Variants in FBXL17 observed in about 807,000 individuals in gnomAD.
FBXL17 encodes the protein F-box/LRR-repeat protein 17.
A neutral mutation model predicts 66.2 loss-of-function variants in FBXL17; 22 were observed. That is an observed-to-expected ratio of 0.33 (90% CI 0.24 to 0.47). FBXL17 has a LOEUF of 0.47. Ranked by LOEUF, FBXL17 falls within the 20% of genes least tolerant of loss-of-function variation. The probability of loss-of-function intolerance (pLI) is 1.00; values close to 1 mark genes in which losing one functional copy is unlikely to be tolerated. For synonymous variants in FBXL17, 474 were observed against 400.5 expected (o/e 1.18, Z -2.19); for missense variants, 878 against 948.2 (o/e 0.93, Z 0.97).
chr5:107,890,844 G>T (rs1351294060), intron 7 of FBXL17, among the ~76,000 whole-genome samples: 1 of 151,994 alleles, frequency 6.6e-6, no homozygotes, highest in Non-Finnish European at 1.5e-5. Context: ...GGAAGAACAT[G>T]GGGGATAATG....
intron 7 of FBXL17, among the ~76,000 whole-genome samples, chr5:107,887,545 C>T (rs768974434): frequency 1.3e-5 from 2 of 151,986 alleles, no homozygotes; most frequent in Admixed American, 6.6e-5. Flanking sequence ...TGTAATACTT[C>T]GATAAAAGCC....
intron 7 of FBXL17, among the ~76,000 whole-genome samples, chr5:107,983,728 G>A (rs970320001): frequency 1.3e-5 from 2 of 152,190 alleles, no homozygotes; most frequent in African/African-American, 4.8e-5. Context: ...AAAGTCCGGA[G>A]AGGACTGGAA....
chr5:108,081,626 G>T (rs1042550088), intron 6 of FBXL17, among the ~76,000 whole-genome samples: 1 of 152,126 alleles, frequency 6.6e-6, no homozygotes, highest in Non-Finnish European at 1.5e-5. Flanking sequence ...GGGAGGCTGA[G>T]GCAGGAGAAT....
At chr5:107,864,325 A>G (rs373173830) in intron 8 of FBXL17, among the ~76,000 whole-genome samples, 14 of 152,358 alleles carry the variant, frequency 9.2e-5, no homozygotes, top group African/African-American at 2.9e-4. Flanking sequence ...CCTTGTTAAC[A>G]TTAGTTGTAA....
chr5:108,121,512 T>C (rs1487556811), intron 6 of FBXL17, among the ~76,000 whole-genome samples: 1 of 152,080 alleles, frequency 6.6e-6, no homozygotes. Flanking sequence ...ATGTTTATTA[T>C]ATGGAAGGAA....
intron 6 of FBXL17, among the ~76,000 whole-genome samples, chr5:108,137,382 C>T (rs1322270790): frequency 6.6e-6 from 1 of 152,146 alleles, no homozygotes; most frequent in Non-Finnish European, 1.5e-5. Context: ...GAGCCTCCTC[C>T]CTGATCTCTG....
intron 8 of FBXL17, chr5:107,879,642 A>G: frequency 1.0e-6 from 1 of 985,496 alleles, no homozygotes; most frequent in African/African-American, 1.7e-5. Context: ...GCTTTGGGCC[A>G]TACTTCATTT....
intron 5 of FBXL17, among the ~76,000 whole-genome samples, chr5:108,197,878 T>C (rs6867342): frequency 0.023 from 3,552 of 152,270 alleles, 145 homozygotes; most frequent in African/African-American, 0.081. Context: ...CTCATGGCCT[T>C]ACATTCTCAT....
intron 7 of FBXL17, among the ~76,000 whole-genome samples, chr5:107,883,077 G>A (rs996093073): frequency 1.3e-5 from 2 of 152,088 alleles, no homozygotes; most frequent in Non-Finnish European, 2.9e-5. Context: ...TAACTCATTC[G>A]TTTATTTAAT....
At chr5:108,219,023 T>C (rs1754732971) in intron 5 of FBXL17, among the ~76,000 whole-genome samples, 1 of 152,214 alleles carries the variant, frequency 6.6e-6, no homozygotes, top group Admixed American at 6.5e-5. Flanking sequence ...ATTATCCTTT[T>C]AAAATACTGT....
At chr5:108,249,912 G>A (rs778488233) in intron 4 of FBXL17, among the ~76,000 whole-genome samples, 74 of 152,076 alleles carry the variant, frequency 4.9e-4, no homozygotes, top group Non-Finnish European at 7.8e-4. Context: ...AAACAGCAAC[G>A]AATGAAGAGA....
chr5:108,343,137 A>T (rs1746997791), intron 4 of FBXL17, among the ~76,000 whole-genome samples: 1 of 152,198 alleles, frequency 6.6e-6, no homozygotes, highest in African/African-American at 2.4e-5. Flanking sequence ...TTAATCTTGG[A>T]CTTGTCAGCC....
Position 108,059,953 on chromosome 5 carries a change from T to C in FBXL17, c.1746-38952A>G, listed in dbSNP as rs1337990513. The stretch of plus-strand genomic sequence containing the variant: ...AAATTATATATACACTTTCAGCATA[T>C]AAATATATATAAATATACACTGAAT... On this transcript the variant is annotated intron_variant, in intron 6 of 8. Transcript: ENST00000542267. Among the ~76,000 whole-genome samples, 3 of 151,032 alleles carry C rather than the reference T, an allele frequency of 2.0e-5. No homozygotes were observed. The East Asian group carries it at 5.8e-4, about 29-fold the overall frequency.
At chr5:108,101,056 GT>G (rs1319159941) in intron 6 of FBXL17, among the ~76,000 whole-genome samples, 1 of 152,186 alleles carries the variant, frequency 6.6e-6, no homozygotes, top group East Asian at 1.9e-4. Context: ...AGCTTAAAGA[GT>G]TTGCTCTTCA....
At chr5:108,319,952 G>A (rs922399108) in intron 4 of FBXL17, among the ~76,000 whole-genome samples, 2 of 151,512 alleles carry the variant, frequency 1.3e-5, no homozygotes, top group African/African-American at 2.4e-5. Context: ...TACTTGCCTC[G>A]AATATTACTT....
At chr5:107,947,731 T>C (rs977268582) in intron 7 of FBXL17, among the ~76,000 whole-genome samples, 2 of 152,174 alleles carry the variant, frequency 1.3e-5, no homozygotes, top group Non-Finnish European at 2.9e-5. Flanking sequence ...AACCCTAGAC[T>C]GAGGATCTAG....
chr5:108,289,743 C>T (rs556282491), intron 4 of FBXL17, among the ~76,000 whole-genome samples: 2 of 152,188 alleles, frequency 1.3e-5, no homozygotes, highest in South Asian at 2.1e-4. Context: ...ATCTAAGTTC[C>T]AGTTTCCTAT....
chr5:107,941,215 C>T lies in FBXL17; in HGVS notation c.1823-60036G>A, dbSNP rs754156507. ...ACCAGGGTGCTGAAGGGTTAAGATA[C>T]AGAACTAGATGATGATGCAACATTG... On this transcript the variant is annotated intron_variant, in intron 7 of 8. Coordinates refer to ENST00000542267, the MANE Select transcript of FBXL17 (RefSeq NM_001163315.3). Among the ~76,000 whole-genome samples, 7 of 151,898 alleles carry T rather than the reference C, an allele frequency of 4.6e-5. No homozygotes were observed. The South Asian group carries it at 8.3e-4, about 18-fold the overall frequency.
At chr5:107,992,088 TTGTG>T (rs3039988) in intron 7 of FBXL17, among the ~76,000 whole-genome samples, 29,984 of 149,098 alleles carry the variant, frequency 0.2, 3,229 homozygotes, top group African/African-American at 0.28. Flanking sequence ...ATCATATTAA[TTGTG>T]TGTGTGTGTG....
Sources: gnomAD v4.1 joint callset for allele counts (sites outside exome capture counted in the v4.1 genomes callset) on GRCh38, gnomAD v4.1.1 for gene constraint, MANE v1.5 for transcripts, NCBI Gene and HGNC (gene_info 2026-07-23, HGNC 2026-07-21) for gene names.